Variants in C12orf54 observed in about 807,000 individuals in gnomAD.
C12orf54 encodes the protein uncharacterized protein C12orf54.
A neutral mutation model predicts 26.4 loss-of-function variants in C12orf54; 24 were observed. The ratio of observed to expected loss-of-function variants is 0.91; its 90% CI spans 0.66 to 1.28. The LOEUF (loss-of-function observed/expected upper bound fraction) is 1.28, where lower values mean the gene tolerates loss of function less well. Ranked by LOEUF, C12orf54 falls within the 50% of genes most tolerant of loss-of-function variation. C12orf54 has a pLI of 0.00. For synonymous variants in C12orf54, 54 were observed against 47.0 expected, an observed-to-expected ratio of 1.15 and a Z score of -0.61; for missense variants, 154 against 150.9, an observed-to-expected ratio of 1.02 and a Z score of -0.11.
chr12:48,476,585 G>A, the C12orf54 span, among the ~76,000 whole-genome samples: 1 of 151,992 alleles, frequency 6.6e-6, no homozygotes, highest in African/African-American at 2.4e-5. Context: ...AAAAAGGCAG[G>A]GGTTGCAATC....
the C12orf54 span, among the ~76,000 whole-genome samples, chr12:48,447,016 C>A: frequency 3.3e-5 from 5 of 152,226 alleles, no homozygotes; most frequent in Admixed American, 6.5e-5. Context: ...TAGTGCAAGT[C>A]TTTTAGTGAT....
the C12orf54 span, among the ~76,000 whole-genome samples, chr12:48,464,888 C>G: frequency 6.6e-6 from 1 of 151,988 alleles, no homozygotes; most frequent in Non-Finnish European, 1.5e-5. Flanking sequence ...GAAATTGAAC[C>G]CCTCCCTTAC....
intron 5 of C12orf54, 139 bp downstream of exon 5, chr12:48,489,095 G>T: frequency 1.1e-6 from 1 of 878,076 alleles, no homozygotes; most frequent in South Asian, 1.3e-5. Context: ...CTCCCTTAAA[G>T]AGTACCACTG....
At chr12:48,473,515 T>C in the C12orf54 span, 11 of 383,464 alleles carry the variant, frequency 2.9e-5, no homozygotes. Context: ...TATTTTTTTC[T>C]GATTGTAACG....
At chr12:48,437,661 A>G in the C12orf54 span, among the ~76,000 whole-genome samples, 13 of 152,258 alleles carry the variant, frequency 8.5e-5, no homozygotes, top group African/African-American at 2.4e-4. Context: ...CCACTTGATT[A>G]TCTCAATCGA....
intron 2 of C12orf54, among the ~76,000 whole-genome samples, chr12:48,483,963 G>T (rs1237407384): frequency 6.6e-6 from 1 of 152,232 alleles, no homozygotes; most frequent in Admixed American, 6.5e-5. Flanking sequence ...GGAGGCCAAG[G>T]CGGGCGGATC....
At chr12:48,433,743 G>GTAATTCTGGCTGGCTGTAAAA in the C12orf54 span, among the ~76,000 whole-genome samples, 1 of 152,110 alleles carries the variant, frequency 6.6e-6, no homozygotes, top group African/African-American at 2.4e-5. Flanking sequence ...CACCGCACCC[G>GTAATTCTGGCTGGCTGTAAAA]GCCAGCCAGA....
chr12:48,492,948 G>T lies in C12orf54; in HGVS notation c.195G>T (p.Gly65=). ...GACTCTTCTCTGTGTCCACTTTAGG[G>T]ATGAGCAACTGCTCCATGACACCCA... is the stretch of plus-strand genomic sequence containing the variant. ...KELQEDARIR[G]MSNCSMTPMT... is the part of the protein sequence containing the mutation. The change falls in exon 7 of 9, where the codon GGG becomes GGT. Residue 65 remains glycine (G), a splice_region_variant and synonymous_variant. Transcript: ENST00000548364. 1.9e-6 allele frequency: 3 copies of T among 1,613,950 alleles called. No homozygotes were observed. Among genetic ancestry groups the T allele is most frequent in the Non-Finnish European group, 2.5e-6 (3 of 1,179,838 alleles).
At chr12:48,476,594 T>A in the C12orf54 span, among the ~76,000 whole-genome samples, 2 of 152,116 alleles carry the variant, frequency 1.3e-5, no homozygotes, top group South Asian at 4.1e-4. Context: ...GGGGTTGCAA[T>A]CCTAGTCTCT....
the C12orf54 span, among the ~76,000 whole-genome samples, chr12:48,448,610 A>G: frequency 6.6e-6 from 1 of 152,244 alleles, no homozygotes; most frequent in Non-Finnish European, 1.5e-5. Context: ...AAATAATAAC[A>G]AGCCCTTTTT....
the C12orf54 span, among the ~76,000 whole-genome samples, chr12:48,432,044 AT>A: frequency 2.6e-5 from 4 of 152,368 alleles, no homozygotes; most frequent in Admixed American, 2.6e-4. Context: ...TATCTCACTT[AT>A]AAATACAAAT....
At chr12:48,415,435 G>T in the C12orf54 span, among the ~76,000 whole-genome samples, 8 of 152,114 alleles carry the variant, frequency 5.3e-5, no homozygotes, top group African/African-American at 1.9e-4. Flanking sequence ...TAAATCCAAT[G>T]TTACAAAATC....
At chr12:48,439,043 TCAAA>T in the C12orf54 span, among the ~76,000 whole-genome samples, 12 of 151,754 alleles carry the variant, frequency 7.9e-5, no homozygotes, top group Admixed American at 7.9e-4. Context: ...TACAATGAAC[TCAAA>T]CAAATTTACA....
the C12orf54 span, among the ~76,000 whole-genome samples, chr12:48,422,420 G>T: frequency 4.0e-4 from 61 of 152,146 alleles, no homozygotes; most frequent in African/African-American, 1.4e-3. Flanking sequence ...TGACTAATTG[G>T]AACTGAATTA....
At chr12:48,435,070 C>A in the C12orf54 span, among the ~76,000 whole-genome samples, 16 of 152,154 alleles carry the variant, frequency 1.1e-4, no homozygotes, top group Admixed American at 1.3e-4. Flanking sequence ...CCTTAAAGGA[C>A]CTGATGGAGC....
At chr12:48,468,057 C>CT in the C12orf54 span, among the ~76,000 whole-genome samples, 1 of 152,056 alleles carries the variant, frequency 6.6e-6, no homozygotes, top group East Asian at 1.9e-4. Context: ...AAATATAGTT[C>CT]TTGGTAGTGT....
the C12orf54 span, among the ~76,000 whole-genome samples, chr12:48,429,488 A>G: frequency 2.4e-4 from 36 of 151,978 alleles, no homozygotes; most frequent in Non-Finnish European, 4.6e-4. Context: ...TACAAGATAA[A>G]TGCACACAAA....
At chr12:48,419,045 A>G in the C12orf54 span, among the ~76,000 whole-genome samples, 1 of 152,180 alleles carries the variant, frequency 6.6e-6, no homozygotes, top group African/African-American at 2.4e-5. Flanking sequence ...TGGCATCCAT[A>G]GAAGTGGGAT....
At position 48,490,695 on chromosome 12, in the gene C12orf54, A is replaced by G. The variant is rs942764344; in HGVS notation, c.169-117A>G. The G allele has an allele frequency of 2.9e-5, 33 of 1,148,372 alleles. No individual in the cohort carries two copies. In the South Asian group the frequency reaches 3.9e-4, roughly 14 times the overall value. The allele number at this position is 1,148,372 out of a possible 1,614,324, so 71.1% of individuals were successfully genotyped here. ...AATCTTGGGAGTTCCATGTCCAAGAAGCCCATATTTTCCCAAACAGACATC... is the reference window on the plus strand; with the variant it reads ...AATCTTGGGAGTTCCATGTCCAAGAGGCCCATATTTTCCCAAACAGACATC... On this transcript the variant is annotated intron_variant, in intron 5 of 8. Transcript: ENST00000548364.
Sources: gnomAD v4.1 joint callset for allele counts (sites outside exome capture counted in the v4.1 genomes callset) on GRCh38, gnomAD v4.1.1 for gene constraint, MANE v1.5 for transcripts, NCBI Gene and HGNC (gene_info 2026-07-23, HGNC 2026-07-21) for gene names.